The following AFG2A variants were observed in gnomAD, a reference collection of about 807,000 sequenced individuals.
AFG2A encodes the protein AAA ATPase AFG2A, also known as ATPase family gene 2 protein homolog A.
At chr4:122,929,225 T>C in the AFG2A span, 1 of 1,544,862 alleles carries the variant, frequency 6.5e-7, no homozygotes, top group Non-Finnish European at 8.7e-7. Flanking sequence ...GGTGACTATC[T>C]GGATCAAAGC....
chr4:122,944,869 C>G, the AFG2A span, among the ~76,000 whole-genome samples: 2 of 152,206 alleles, frequency 1.3e-5, no homozygotes, highest in Non-Finnish European at 2.9e-5. Context: ...GGGCCCTCAG[C>G]TGCAGGTCTG....
chr4:123,112,048 A>G, the AFG2A span, among the ~76,000 whole-genome samples: 308 of 152,326 alleles, frequency 2.0e-3, no homozygotes, highest in African/African-American at 6.0e-3. Context: ...GAAGAACTTT[A>G]TGAACACTAT....
chr4:123,254,059 T>C, the AFG2A span, among the ~76,000 whole-genome samples: 2 of 152,204 alleles, frequency 1.3e-5, no homozygotes, highest in Non-Finnish European at 2.9e-5. Context: ...TTGGGTTATT[T>C]TCTTATTATT....
chr4:122,975,066 C>T, the AFG2A span, among the ~76,000 whole-genome samples: 3 of 152,160 alleles, frequency 2.0e-5, no homozygotes, highest in South Asian at 2.1e-4. Context: ...AATTTATCAT[C>T]GTCTTAGTCC....
At chr4:123,107,338 A>G in the AFG2A span, among the ~76,000 whole-genome samples, 1 of 152,210 alleles carries the variant, frequency 6.6e-6, no homozygotes, top group Middle Eastern at 3.2e-3. Flanking sequence ...AGCAAGGTGG[A>G]AAGGACTTTA....
the AFG2A span, among the ~76,000 whole-genome samples, chr4:123,088,165 C>A: frequency 6.6e-6 from 1 of 152,100 alleles, no homozygotes; most frequent in African/African-American, 2.4e-5. Flanking sequence ...CCATTGTGCA[C>A]TTTATCCAGT....
the AFG2A span, among the ~76,000 whole-genome samples, chr4:123,083,878 A>G: frequency 1.3e-5 from 2 of 152,136 alleles, no homozygotes; most frequent in African/African-American, 4.8e-5. Context: ...AAAAGAGATT[A>G]GAGAACTGGT....
chr4:123,175,079 T>C, the AFG2A span, among the ~76,000 whole-genome samples: 2 of 152,130 alleles, frequency 1.3e-5, no homozygotes, highest in Non-Finnish European at 2.9e-5. Flanking sequence ...ATGCCCAGCC[T>C]ATTTTCTAAT....
the AFG2A span, among the ~76,000 whole-genome samples, chr4:123,032,540 C>CT: frequency 6.6e-6 from 1 of 152,104 alleles, no homozygotes; most frequent in Admixed American, 6.6e-5. Context: ...TACAGGCTCC[C>CT]AAGTATCTGG....
At chr4:123,183,933 T>TGTTC in the AFG2A span, among the ~76,000 whole-genome samples, 1 of 137,312 alleles carries the variant, frequency 7.3e-6, no homozygotes, top group Non-Finnish European at 1.5e-5. Context: ...CTTGCTTATT[T>TGTTC]ATTCATTCAT....
At chr4:123,268,905 CA>C in the AFG2A span, among the ~76,000 whole-genome samples, 1 of 152,230 alleles carries the variant, frequency 6.6e-6, no homozygotes, top group East Asian at 1.9e-4. Flanking sequence ...ATAAATCTGG[CA>C]AGGAAATTCA....
At chr4:123,187,793 G>C in the AFG2A span, among the ~76,000 whole-genome samples, 91,486 of 151,680 alleles carry the variant, frequency 0.6, 28,716 homozygotes, top group Non-Finnish European at 0.68. Flanking sequence ...CCAAGGAGTT[G>C]AAGACCAGCC....
At chr4:122,954,648 G>T in the AFG2A span, among the ~76,000 whole-genome samples, 1 of 152,220 alleles carries the variant, frequency 6.6e-6, no homozygotes, top group Non-Finnish European at 1.5e-5. Flanking sequence ...GGACAGTAGG[G>T]TCTCTGATGT....
At chr4:123,251,708 A>AG in the AFG2A span, among the ~76,000 whole-genome samples, 3 of 152,076 alleles carry the variant, frequency 2.0e-5, no homozygotes, top group Non-Finnish European at 4.4e-5. Context: ...TTATTTCCTA[A>AG]GTCCTGTATT....
At chr4:123,253,248 C>T in the AFG2A span, among the ~76,000 whole-genome samples, 28 of 152,028 alleles carry the variant, frequency 1.8e-4, no homozygotes, top group Middle Eastern at 3.4e-3. Flanking sequence ...TTTGGGAGGC[C>T]GTGGCAGGCA....
At chr4:123,276,246 A>C in the AFG2A span, among the ~76,000 whole-genome samples, 1 of 152,080 alleles carries the variant, frequency 6.6e-6, no homozygotes, top group African/African-American at 2.4e-5. Context: ...AGTGATGTTG[A>C]GCATTTTTCC....
At chr4:123,053,976 A>G in the AFG2A span, among the ~76,000 whole-genome samples, 2 of 152,134 alleles carry the variant, frequency 1.3e-5, no homozygotes, top group Non-Finnish European at 2.9e-5. Context: ...AGCAACTATA[A>G]GCTGGGACCT....
the AFG2A span, among the ~76,000 whole-genome samples, chr4:122,942,308 AG>A: frequency 1.2e-3 from 177 of 149,574 alleles, no homozygotes; most frequent in African/African-American, 4.2e-3. Context: ...CCACAATTTC[AG>A]ATCCTGTTAT....
the AFG2A span, among the ~76,000 whole-genome samples, chr4:122,957,387 A>G: frequency 3.9e-5 from 6 of 152,214 alleles, no homozygotes; most frequent in Non-Finnish European, 8.8e-5. Context: ...GTAAATTACC[A>G]GTTTGATTAG....
Sources: allele counts gnomAD v4.1 joint callset (sites outside exome capture counted in the v4.1 genomes callset), GRCh38; gene constraint gnomAD v4.1.1; transcripts MANE v1.5; gene names NCBI Gene and HGNC (gene_info 2026-07-23, HGNC 2026-07-21).